RBM25: variants seen among roughly 807,000 people sequenced by gnomAD.
RBM25 encodes the protein RNA-binding protein 25.
In RBM25, 19 loss-of-function variants were observed where a neutral mutation model predicts 120.7. That is an observed-to-expected ratio of 0.16 (90% confidence interval 0.11 to 0.23). RBM25 has a LOEUF of 0.23. Ranked by LOEUF, RBM25 falls within the 10% of genes least tolerant of loss-of-function variation. The pLI is 1.00. For synonymous variants in RBM25, 390 were observed against 326.7 expected, an observed-to-expected ratio of 1.19 and a Z score of -2.09; for missense variants, 605 against 1,041.5, an observed-to-expected ratio of 0.58 and a Z score of 5.77.
intron 6 of RBM25, among the ~76,000 whole-genome samples, chr14:73,095,065 A>G (rs1895910934): frequency 6.6e-6 from 1 of 151,916 alleles, no homozygotes; most frequent in Admixed American, 6.6e-5. Context: ...CATGCTGGCC[A>G]GGCAGGTCTC....
intron 1 of RBM25, chr14:73,068,454 CAG>C: frequency 2.7e-6 from 2 of 735,742 alleles, no homozygotes; most frequent in South Asian, 2.7e-5. Context: ...GCTGTATTAT[CAG>C]GAAGGAACAA....
chr14:73,089,929 T>TG (rs1190422321), intron 6 of RBM25, among the ~76,000 whole-genome samples: 2 of 151,958 alleles, frequency 1.3e-5, no homozygotes, highest in African/African-American at 4.8e-5. Flanking sequence ...GGATTACGTG[T>TG]GAGCCACTCC....
intron 6 of RBM25, among the ~76,000 whole-genome samples, chr14:73,095,601 C>T (rs941056020): frequency 9.8e-5 from 14 of 142,642 alleles, no homozygotes; most frequent in African/African-American, 3.1e-4. Context: ...AGCAAGACTC[C>T]GCCTCAAAAA....
intron 18 of RBM25, among the ~76,000 whole-genome samples, chr14:73,114,576 A>G (rs1896383167): frequency 6.6e-6 from 1 of 152,128 alleles, no homozygotes; most frequent in Non-Finnish European, 1.5e-5. Context: ...TCACTTTTGA[A>G]TTTGATTCAC....
At chr14:73,068,387 ATTTTTT>A (rs34314453) in intron 1 of RBM25, 97 of 476,990 alleles carry the variant, frequency 2.0e-4, no homozygotes, top group Middle Eastern at 1.0e-3. Context: ...CTTGTATTTG[ATTTTTT>A]TTTTTTTTTT....
chr14:73,071,421 A>T (rs1465956081), intron 1 of RBM25, among the ~76,000 whole-genome samples: 1 of 152,028 alleles, frequency 6.6e-6, no homozygotes, highest in East Asian at 1.9e-4. Context: ...TCTGTCCTGA[A>T]CTTCGATCAT....
intron 1 of RBM25, chr14:73,069,956 T>C (rs900660139): frequency 5.3e-5 from 8 of 151,770 alleles, no homozygotes; most frequent in African/African-American, 1.9e-4. Flanking sequence ...TTGGAAATTG[T>C]TTTTAATACT....
At chr14:73,059,969 A>G (rs1370156818) in intron 1 of RBM25, among the ~76,000 whole-genome samples, 5 of 152,090 alleles carry the variant, frequency 3.3e-5, no homozygotes, top group Admixed American at 3.3e-4. Flanking sequence ...ATATTGACAT[A>G]ATTTGTTATT....
At chr14:73,096,188 G>T (rs922514330) in intron 6 of RBM25, among the ~76,000 whole-genome samples, 1 of 152,104 alleles carries the variant, frequency 6.6e-6, no homozygotes, top group Admixed American at 6.5e-5. Flanking sequence ...TGTTGGCCAG[G>T]CTGGTCTTGA....
Position 73,114,764 on chromosome 14 carries a change from T to C in RBM25, c.2439+431T>C, listed in dbSNP as rs373872693. Among the ~76,000 whole-genome samples the C allele has an allele frequency of 1.3e-3, 203 of 152,202 alleles. 1 individual carries two copies. The highest frequency in any genetic ancestry group is 6.8e-3 in the Middle Eastern group (2 of 294). On this transcript the variant is annotated intron_variant, in intron 18 of 18. Transcript: ENST00000261973. Reference sequence around the variant, plus strand: ...CAAAAATTAGCTGTGCGTGGTGGCGTGTGCCTATAGTCCCAGCTACTCGGG... The same window carrying C: ...CAAAAATTAGCTGTGCGTGGTGGCGCGTGCCTATAGTCCCAGCTACTCGGG...
chr14:73,099,540 T>C, intron 8 of RBM25, 107 bp downstream of exon 8: 3 of 1,584,916 alleles, frequency 1.9e-6, no homozygotes, highest in Non-Finnish European at 2.6e-6. Flanking sequence ...ATTGTTAGAT[T>C]TGTTATTGTG....
chr14:73,105,797 T>TA, intron 10 of RBM25, 62 bp from the exon 11 acceptor site: 1 of 1,578,324 alleles, frequency 6.3e-7, no homozygotes, highest in East Asian at 2.2e-5. Flanking sequence ...TGTCCTCCTT[T>TA]ACTTTGGTCT....
intron 2 of RBM25, among the ~76,000 whole-genome samples, chr14:73,075,490 A>C (rs1895395836): frequency 6.6e-6 from 1 of 152,012 alleles, no homozygotes; most frequent in African/African-American, 2.4e-5. Flanking sequence ...AAGAGCCAGG[A>C]ATAACAAGAT....
At position 73,071,701 on chromosome 14, in the gene RBM25, G is replaced by T. The variant is rs774892786; in HGVS notation, c.60G>T (p.Gly20=). Residue 20 remains glycine, a synonymous_variant, in exon 2 of 19, where the codon GGG becomes GGT. Coordinates refer to ENST00000261973, the MANE Select transcript of RBM25 (RefSeq NM_021239.3). ...TGGGAATCCCAGCACTCCCACCAGG[G>T]ATCCCACCCCCGCAGTTTCCAGGAT... ...PPMGIPALPP[G]IPPPQFPGFP... is the part of the protein sequence containing the mutation. 1.2e-6 allele frequency: 2 copies of T among 1,614,024 alleles called. No homozygotes were observed. The highest frequency in any genetic ancestry group is 1.1e-5 in the South Asian group (1 of 91,070).
intron 1 of RBM25, among the ~76,000 whole-genome samples, chr14:73,061,470 C>G (rs1439463210): frequency 1.3e-5 from 2 of 151,360 alleles, no homozygotes; most frequent in African/African-American, 2.4e-5. Flanking sequence ...TCCATTACCC[C>G]AAAAGGATTC....
intron 18 of RBM25, among the ~76,000 whole-genome samples, chr14:73,114,723 G>A (rs897650191): frequency 9.9e-5 from 15 of 152,032 alleles, no homozygotes; most frequent in African/African-American, 2.7e-4. Context: ...GTGAAACCCC[G>A]TCTCTATGAA....
At chr14:73,105,415 C>T (rs1896164227) in intron 10 of RBM25, among the ~76,000 whole-genome samples, 1 of 152,134 alleles carries the variant, frequency 6.6e-6, no homozygotes, top group South Asian at 2.1e-4. Context: ...ATTCTGTTTT[C>T]CACATGTGCC....
rs143230132 is a variant in RBM25 at position 73,108,324 on chromosome 14, A to G, written c.1541+425A>G. ...TGCAGTCTCTTGAGTAGGTTGGACT[A>G]TAGGTGTGGGCTACCACACCTGTGT... On this transcript the variant is annotated intron_variant, in intron 13 of 18. Coordinates refer to ENST00000261973, the MANE Select transcript of RBM25 (RefSeq NM_021239.3). Among the ~76,000 whole-genome samples the G allele has an allele frequency of 9.8e-5, 15 of 152,344 alleles. No homozygotes were observed. In the East Asian group the frequency reaches 2.5e-3, roughly 25 times the overall value.
At chr14:73,061,937 G>A (rs66791109) in intron 1 of RBM25, among the ~76,000 whole-genome samples, 21,112 of 151,132 alleles carry the variant, frequency 0.14, 2,682 homozygotes, top group East Asian at 0.43. Flanking sequence ...ATTCACAGGC[G>A]TAATCCCACT....
Sources: gnomAD v4.1 joint callset for allele counts (sites outside exome capture counted in the v4.1 genomes callset) on GRCh38, gnomAD v4.1.1 for gene constraint, MANE v1.5 for transcripts, NCBI Gene and HGNC (gene_info 2026-07-23, HGNC 2026-07-21) for gene names.